AVEN: variants seen among roughly 807,000 people sequenced by gnomAD.
AVEN encodes apoptosis and caspase activation inhibitor, also known as cell death regulator Aven.
AVEN carries 41 observed loss-of-function variants against 38.1 expected under a neutral mutation model. That is an observed-to-expected ratio of 1.08 (90% CI 0.84 to 1.40). The LOEUF (loss-of-function observed/expected upper bound fraction) is 1.40. AVEN is among the 40% of genes most tolerant of loss of function. The probability of loss-of-function intolerance (pLI) is 0.00; values close to 1 mark genes in which losing one functional copy is unlikely to be tolerated. For synonymous variants in AVEN, 206 were observed against 171.8 expected (o/e 1.20, Z -1.56); for missense variants, 605 against 438.8 (o/e 1.38, Z -3.38).
At chr15:34,042,216 CT>C (rs972956372), upstream of AVEN, among the ~76,000 whole-genome samples, 4 of 152,124 alleles carry the variant, frequency 2.6e-5, no homozygotes, top group African/African-American at 9.7e-5. Context: ...TCTGGTATTG[CT>C]TTTGCTTGAT....
At chr15:33,933,356 T>TTAGAC (rs1567420435) in intron 2 of AVEN, among the ~76,000 whole-genome samples, 1 of 152,092 alleles carries the variant, frequency 6.6e-6, no homozygotes, top group African/African-American at 2.4e-5. Flanking sequence ...ACCTGAGTGA[T>TTAGAC]CTGTTCAGCT....
downstream of AVEN, chr15:33,857,661 C>G (rs2079834000): frequency 7.8e-7 from 1 of 1,280,114 alleles, no homozygotes; most frequent in Non-Finnish European, 1.1e-6. Context: ...CCACCCCTTC[C>G]CCATTTCCTC....
intron 2 of AVEN, among the ~76,000 whole-genome samples, chr15:33,945,865 G>A (rs574608161): frequency 1.1e-3 from 173 of 152,262 alleles, no homozygotes; most frequent in African/African-American, 4.0e-3. Flanking sequence ...GATTACAAGC[G>A]TGAGCCACCT....
chr15:34,067,002 A>G (rs1900528867), intron 2 of AVEN: 1 of 152,184 alleles, frequency 6.6e-6, no homozygotes, highest in African/African-American at 2.4e-5. Flanking sequence ...ACCTAATTGT[A>G]AACTACAGGG....
At chr15:33,878,026 T>G (rs1891321162) in intron 2 of AVEN, among the ~76,000 whole-genome samples, 1 of 151,982 alleles carries the variant, frequency 6.6e-6, no homozygotes, top group South Asian at 2.1e-4. Context: ...TACAAAAAAT[T>G]CCTGGGAATG....
intron 5 of AVEN, among the ~76,000 whole-genome samples, chr15:34,053,314 AAAAAAATATATATAT>A (rs1361162314): frequency 5.5e-5 from 6 of 108,248 alleles, no homozygotes; most frequent in African/African-American, 2.1e-4. Flanking sequence ...AAAAAAAAAA[AAAAAAATATATATAT>A]ATATATATAT....
At chr15:33,964,202 C>T (rs1895303236) in intron 2 of AVEN, among the ~76,000 whole-genome samples, 1 of 152,018 alleles carries the variant, frequency 6.6e-6, no homozygotes, top group Non-Finnish European at 1.5e-5. Context: ...ATATTAGTAC[C>T]CAATCTCCCC....
Position 34,038,995 on chromosome 15 carries a change from C to T in AVEN, c.52G>A (p.Gly18Ser), listed in dbSNP as rs781316039. The change falls in exon 1 of 6, where the codon GGC (glycine) becomes AGC (serine). Residue 18 changes from glycine (G) to serine (S), a missense_variant. Gly to Ser is a moderately conservative substitution (Grantham distance 56). Coordinates refer to ENST00000306730, the MANE Select transcript of AVEN (RefSeq NM_020371.3). ...RGGRGRRPGR[G>S]RPGGDRHSER... ...CTGTGGCGATCTCCGCCAGGCCGGC[C>T]GCGGCCTGGCCGCCGCCCACGGCCT... The T allele has an allele frequency of 1.5e-5, 17 of 1,118,462 alleles. No homozygotes were observed. The highest frequency in any genetic ancestry group is 1.1e-4 in the South Asian group (3 of 26,668). The allele number at this position is 1,118,462 out of a possible 1,614,324, so 69.3% of individuals were successfully genotyped here. A position where few individuals can be genotyped will look rare whatever the true frequency, so the allele number is the denominator to read the frequency against.
At chr15:33,994,174 C>T (rs1298867182) in intron 2 of AVEN, among the ~76,000 whole-genome samples, 3 of 152,192 alleles carry the variant, frequency 2.0e-5, no homozygotes, top group Non-Finnish European at 4.4e-5. Context: ...TATTTACAGC[C>T]ACTCCCTACT....
At chr15:33,976,305 C>A (rs2140509882) in intron 2 of AVEN, among the ~76,000 whole-genome samples, 1 of 152,336 alleles carries the variant, frequency 6.6e-6, no homozygotes, top group South Asian at 2.1e-4. Context: ...ACTATTCATC[C>A]AAAATCTCAA....
intron 2 of AVEN, among the ~76,000 whole-genome samples, chr15:33,926,383 G>A (rs543122204): frequency 1.5e-3 from 236 of 152,270 alleles, no homozygotes; most frequent in African/African-American, 5.3e-3. Flanking sequence ...TGGGATCACG[G>A]CAGCTCTATT....
At chr15:33,853,367 C>T in the AVEN span, among the ~76,000 whole-genome samples, 1 of 150,476 alleles carries the variant, frequency 6.6e-6, no homozygotes, top group African/African-American at 2.5e-5. Context: ...GCTTAAAAAA[C>T]AGTTATCATT....
chr15:34,027,896 T>C (rs1310718550), intron 1 of AVEN, among the ~76,000 whole-genome samples: 1 of 151,584 alleles, frequency 6.6e-6, no homozygotes, highest in Non-Finnish European at 1.5e-5. Flanking sequence ...AAGAGGGCAT[T>C]GTAGAACGTT....
downstream of AVEN, chr15:33,864,295 C>A: frequency 1.2e-6 from 1 of 830,550 alleles, no homozygotes; most frequent in South Asian, 1.8e-5. Flanking sequence ...CCATTAATCC[C>A]GTGAATGCAT....
intron 5 of AVEN, among the ~76,000 whole-genome samples, chr15:34,057,939 C>T (rs115458756): frequency 2.5e-4 from 38 of 152,268 alleles, no homozygotes; most frequent in African/African-American, 8.9e-4. Context: ...GAGCTTATTC[C>T]ATTTATCAGA....
At position 34,050,921 on chromosome 15, in the gene AVEN, C is replaced by T. The variant is rs375810442; in HGVS notation, n.1637+12001G>A. On this transcript the variant is annotated intron_variant and non_coding_transcript_variant, in intron 5 of 11. Transcript: ENST00000675287. ...ATAGTGGGAGACTTTAACACCCCAC[C>T]GACTATATTAGACAGATCACTGAGA... 1.7e-4 allele frequency among the ~76,000 whole-genome samples: 26 copies of T among 152,096 alleles called. 1 individual carries two copies. The highest frequency in any genetic ancestry group is 8.3e-4 in the South Asian group (4 of 4,802).
intron 2 of AVEN, among the ~76,000 whole-genome samples, chr15:33,936,205 A>T (rs558308664): frequency 3.3e-5 from 5 of 152,178 alleles, no homozygotes; most frequent in African/African-American, 1.2e-4. Context: ...TCGATAAGAA[A>T]AAGATCAGTA....
At chr15:33,951,400 C>T (rs1220373770) in intron 2 of AVEN, among the ~76,000 whole-genome samples, 1 of 151,734 alleles carries the variant, frequency 6.6e-6, no homozygotes, top group Non-Finnish European at 1.5e-5. Context: ...ATTTCATACA[C>T]CGGGGCCTGT....
At chr15:33,980,350 C>G (rs920936006) in intron 2 of AVEN, among the ~76,000 whole-genome samples, 1 of 152,150 alleles carries the variant, frequency 6.6e-6, no homozygotes, top group Non-Finnish European at 1.5e-5. Context: ...TTGACAAGAC[C>G]TCAGTGCAAC....
Sources: allele counts gnomAD v4.1 joint callset (sites outside exome capture counted in the v4.1 genomes callset), GRCh38; gene constraint gnomAD v4.1.1; transcripts MANE v1.5; gene names NCBI Gene and HGNC (gene_info 2026-07-23, HGNC 2026-07-21).